SPOCK3: variants seen among roughly 807,000 people sequenced by gnomAD.
SPOCK3 encodes SPARC (osteonectin), cwcv and kazal like domains proteoglycan 3, also known as testican-3.
SPOCK3 carries 30 observed loss-of-function variants against 56.6 expected under a neutral mutation model. The ratio of observed to expected loss-of-function variants is 0.53; its 90% CI spans 0.40 to 0.72. The LOEUF (loss-of-function observed/expected upper bound fraction) is 0.72, where lower values mean the gene tolerates loss of function less well. Ranked by LOEUF, SPOCK3 falls within the 30% of genes least tolerant of loss-of-function variation. The pLI, the probability that SPOCK3 is intolerant of heterozygous loss-of-function variation, is 0.00. For missense variants in SPOCK3, 527 were observed against 530.0 expected, an observed-to-expected ratio of 0.99 and a Z score of 0.06; for synonymous variants, 196 against 183.3, an observed-to-expected ratio of 1.07 and a Z score of -0.56.
intron 6 of SPOCK3, among the ~76,000 whole-genome samples, chr4:166,799,124 C>T (rs1742276762): frequency 6.6e-6 from 1 of 152,114 alleles, no homozygotes; most frequent in Admixed American, 6.5e-5. Context: ...GCTTTCAAGC[C>T]TATTATCAAT....
chr4:167,125,191 T>A (rs202229059), intron 2 of SPOCK3, among the ~76,000 whole-genome samples: 36 of 142,528 alleles, frequency 2.5e-4, no homozygotes, highest in African/African-American at 4.9e-4. Flanking sequence ...CACAGAGATT[T>A]TTTATTTATT....
At chr4:166,821,049 T>C (rs186114446) in intron 6 of SPOCK3, among the ~76,000 whole-genome samples, 1 of 152,002 alleles carries the variant, frequency 6.6e-6, no homozygotes, top group Non-Finnish European at 1.5e-5. Flanking sequence ...TTTCAAATGA[T>C]ATATCTGATA....
intron 2 of SPOCK3, among the ~76,000 whole-genome samples, chr4:167,154,084 A>T (rs1381039579): frequency 3.3e-5 from 5 of 152,166 alleles, no homozygotes; most frequent in Non-Finnish European, 4.4e-5. Flanking sequence ...TATTTTGATA[A>T]ATTTTAATAA....
chr4:166,844,373 T>C (rs1377124056), intron 6 of SPOCK3, among the ~76,000 whole-genome samples: 1 of 152,238 alleles, frequency 6.6e-6, no homozygotes, highest in African/African-American at 2.4e-5. Flanking sequence ...GTCTATTCTA[T>C]GAATCAACCT....
chr4:166,766,451 G>C (rs1738068651), intron 7 of SPOCK3, among the ~76,000 whole-genome samples: 1 of 152,124 alleles, frequency 6.6e-6, no homozygotes, highest in Non-Finnish European at 1.5e-5. Flanking sequence ...ATAATCATGT[G>C]GTTTTTGTCT....
At position 166,733,619 on chromosome 4, in the gene SPOCK3, G is replaced by C. The variant is rs1352222139; in HGVS notation, c.*1302C>G. The stretch of plus-strand genomic sequence containing the variant: ...CAACAGGTTTTTCCATTTTTATTAT[G>C]GGCACAAAACCATTGGTATGATATA... On this transcript the variant is annotated 3_prime_UTR_variant, in exon 11 of 11. Transcript: ENST00000357545. 6.6e-6 allele frequency: 1 copy of C among 151,908 alleles called. No individual in the cohort carries two copies. Among genetic ancestry groups the C allele is most frequent in the East Asian group, 1.9e-4 (1 of 5,184 alleles). 9.4% of individuals were successfully genotyped at this position (151,908 alleles called of 1,614,324 possible). A position where few individuals can be genotyped will look rare whatever the true frequency, so the allele number is the denominator to read the frequency against.
At chr4:167,016,479 G>A (rs189410607) in intron 3 of SPOCK3, among the ~76,000 whole-genome samples, 29 of 151,782 alleles carry the variant, frequency 1.9e-4, no homozygotes, top group African/African-American at 6.8e-4. Flanking sequence ...ACTATATTGC[G>A]TATAATTTCC....
At chr4:167,139,162 C>A (rs1412891727) in intron 2 of SPOCK3, among the ~76,000 whole-genome samples, 2 of 151,878 alleles carry the variant, frequency 1.3e-5, no homozygotes, top group African/African-American at 2.4e-5. Context: ...ATAATAGATT[C>A]ATTTAGTCGG....
intron 7 of SPOCK3, among the ~76,000 whole-genome samples, chr4:166,778,410 T>C (rs908241272): frequency 2.0e-5 from 3 of 152,134 alleles, no homozygotes; most frequent in African/African-American, 7.2e-5. Flanking sequence ...TCTGGGTAAA[T>C]GTGCATTTCA....
At position 167,156,268 on chromosome 4, in the gene SPOCK3, T is replaced by G. The variant is rs148876387; in HGVS notation, c.189+77717A>C. On this transcript the variant is annotated intron_variant, in intron 2 of 10. Coordinates refer to ENST00000357545, the MANE Select transcript of SPOCK3 (RefSeq NM_001040159.2). ...ATGGGCCAGTGCAGATATAGAGATA[T>G]AGTTAATGGGAATAAGGGTGCAATG... Among the ~76,000 whole-genome samples, 1,448 of 152,268 alleles carry G rather than the reference T, an allele frequency of 9.5e-3. 16 individuals are homozygous for G. The highest frequency in any genetic ancestry group is 0.013 in the Non-Finnish European group (912 of 68,030).
At chr4:167,120,816 T>A (rs1761801541) in intron 2 of SPOCK3, among the ~76,000 whole-genome samples, 1 of 152,040 alleles carries the variant, frequency 6.6e-6, no homozygotes, top group Non-Finnish European at 1.5e-5. Flanking sequence ...AAGATTCATT[T>A]TAGAAAGGTT....
rs1277324911 is a variant in SPOCK3, at chr4:167,116,868, GATATACTTTTGTATATAT to G, written c.190-54349_190-54332del. 4.9e-5 allele frequency among the ~76,000 whole-genome samples: 6 copies of G among 123,664 alleles called. No homozygotes were observed. The Admixed American group carries it at 5.1e-4, about 10-fold the overall frequency. 81.1% of individuals were successfully genotyped at this position (123,664 alleles called of 152,430 possible). On this transcript the variant is annotated intron_variant, in intron 2 of 10. Coordinates refer to ENST00000357545, the MANE Select transcript of SPOCK3 (RefSeq NM_001040159.2). ...TTTTATATATATACTTTTGTATATAGATATACTTTTGTATATATACATATATACTTTTGTGTGTGTGTG... is the reference window on the plus strand; with the variant it reads ...TTTTATATATATACTTTTGTATATAGACATATATACTTTTGTGTGTGTGTG...
chr4:166,951,544 T>C (rs1228402558), intron 4 of SPOCK3, among the ~76,000 whole-genome samples: 1 of 139,334 alleles, frequency 7.2e-6, no homozygotes, highest in Non-Finnish European at 1.5e-5. Context: ...ACTATTCCAA[T>C]CAATAGAAAA....
chr4:166,752,430 A>C (rs1231293940), intron 8 of SPOCK3, among the ~76,000 whole-genome samples: 1 of 152,006 alleles, frequency 6.6e-6, no homozygotes, highest in Non-Finnish European at 1.5e-5. Flanking sequence ...TTTCCACACT[A>C]TGCAACTGTA....
chr4:166,959,858 A>G, intron 4 of SPOCK3, among the ~76,000 whole-genome samples: 1 of 152,304 alleles, frequency 6.6e-6, no homozygotes, highest in Non-Finnish European at 1.5e-5. Context: ...CAATAAGTAA[A>G]CATAGAATTT....
intron 6 of SPOCK3, among the ~76,000 whole-genome samples, chr4:166,825,637 A>G (rs1385303841): frequency 6.6e-6 from 1 of 152,106 alleles, no homozygotes; most frequent in Non-Finnish European, 1.5e-5. Flanking sequence ...GAACCAGTGT[A>G]AATGCCCTTC....
rs541966783 is a variant in SPOCK3 at position 167,232,186 on chromosome 4, C to T, written c.189+1799G>A. On this transcript the variant is annotated intron_variant, in intron 2 of 10. Transcript: ENST00000357545. ...AACACATTCACAAACTGTCCAAGTCCCTCAATAATTTAATAAAGTAATTTG... is the reference window on the plus strand; with the variant it reads ...AACACATTCACAAACTGTCCAAGTCTCTCAATAATTTAATAAAGTAATTTG... Among the ~76,000 whole-genome samples, 16 of 151,876 alleles carry T rather than the reference C, an allele frequency of 1.1e-4. No homozygotes were observed. In the South Asian group the frequency reaches 3.3e-3, roughly 32 times the overall value.
chr4:166,830,829 G>A (rs1299174296), intron 6 of SPOCK3, among the ~76,000 whole-genome samples: 1 of 152,052 alleles, frequency 6.6e-6, no homozygotes, highest in African/African-American at 2.4e-5. Flanking sequence ...TAGGACCAAG[G>A]ACAGACTAAC....
chr4:167,141,253 T>TA (rs369725782), intron 2 of SPOCK3, among the ~76,000 whole-genome samples: 1 of 151,736 alleles, frequency 6.6e-6, no homozygotes, highest in Non-Finnish European at 1.5e-5. Flanking sequence ...TGTACAGTCA[T>TA]AAAAAAAAGG....
Sources: gnomAD v4.1 joint callset for allele counts (sites outside exome capture counted in the v4.1 genomes callset) on GRCh38, gnomAD v4.1.1 for gene constraint, MANE v1.5 for transcripts, NCBI Gene and HGNC (gene_info 2026-07-23, HGNC 2026-07-21) for gene names.